The following BPIFA3 variants were observed in gnomAD, a reference collection of about 807,000 sequenced individuals.
BPIFA3 encodes BPI fold containing family A member 3.
A neutral mutation model predicts 29.7 loss-of-function variants in BPIFA3; 32 were observed. That is an observed-to-expected ratio of 1.08 (90% CI 0.81 to 1.45). The LOEUF (loss-of-function observed/expected upper bound fraction) is 1.45. Ranked by LOEUF, BPIFA3 falls within the 40% of genes most tolerant of loss-of-function variation. The pLI is 0.00. For missense variants in BPIFA3, 323 were observed against 311.3 expected (o/e 1.04, Z -0.28); for synonymous variants, 112 against 113.7 (o/e 0.98, Z 0.10).
chr20:33,222,676 A>G (rs561097307), intron 1 of BPIFA3, among the ~76,000 whole-genome samples: 4 of 140,304 alleles, frequency 2.9e-5, no homozygotes, highest in Non-Finnish European at 4.6e-5. Context: ...GGATGAGTGG[A>G]TGGATGGATG....
At position 33,226,449 on chromosome 20, in the gene BPIFA3, G is replaced by A. The variant is rs756469267; in HGVS notation, c.580G>A (p.Glu194Lys). 7.5e-5 allele frequency: 121 copies of A among 1,610,690 alleles called. No homozygotes were observed. The highest frequency in any genetic ancestry group is 4.1e-4 in the Admixed American group (24 of 59,060). The change falls in exon 5 of 7, where the codon GAG (glutamate) becomes AAG (lysine). Residue 194 changes from glutamate to lysine, a missense_variant. By Grantham distance (56) the Glu-to-Lys change is moderately conservative (BLOSUM62 1). Transcript: ENST00000375454. The stretch of plus-strand genomic sequence containing the variant: ...GAATCAGTTTCTCTACAACCTCAAA[G>A]AGAATCTGCAAAAAGTTCTCCCACA... The part of the protein sequence containing the change: ...KMNQFLYNLK[E>K]NLQKVLPHMV...
chr20:33,227,730 C>A lies in BPIFA3; in HGVS notation c.*113C>A. 1 of 850,660 alleles carries A rather than the reference C, an allele frequency of 1.2e-6. No individual in the cohort carries two copies. The allele number at this position is 850,660 out of a possible 1,614,324, so 52.7% of individuals were successfully genotyped here. A position where few individuals can be genotyped will look rare whatever the true frequency, so the allele number is the denominator to read the frequency against. On this transcript the variant is annotated 3_prime_UTR_variant, in exon 7 of 7. Transcript: ENST00000375454. Reference sequence around the variant, plus strand: ...AGGCTCTGTGGACATACCATCCTCTCCTACAATAAACTCTAGCTCTGAAGG... The same window carrying A: ...AGGCTCTGTGGACATACCATCCTCTACTACAATAAACTCTAGCTCTGAAGG...
intron 6 of BPIFA3, among the ~76,000 whole-genome samples, chr20:33,227,309 T>C (rs2146490662): frequency 6.6e-6 from 1 of 152,256 alleles, no homozygotes; most frequent in South Asian, 2.1e-4. Flanking sequence ...TGAGACCATC[T>C]CTACTCCAGT....
At chr20:33,217,689 G>A (rs1473628758) in intron 1 of BPIFA3, 26 bp downstream of exon 1, 1 of 1,605,416 alleles carries the variant, frequency 6.2e-7, no homozygotes, top group Middle Eastern at 1.7e-4. Context: ...GGCTCTGCCT[G>A]CTGCCTACGG....
chr20:33,226,776 C>T, intron 5 of BPIFA3, 154 bp from the exon 6 acceptor site: 2 of 763,990 alleles, frequency 2.6e-6, no homozygotes, highest in South Asian at 1.7e-5. Flanking sequence ...GTGCATGACA[C>T]TGAGCAGGTA....
At chr20:33,224,698 CACA>C (rs568031313) in intron 3 of BPIFA3, among the ~76,000 whole-genome samples, 1 of 152,176 alleles carries the variant, frequency 6.6e-6, no homozygotes, top group Non-Finnish European at 1.5e-5. Flanking sequence ...TATGAGAGTT[CACA>C]ACAACTGGGC....
Position 33,223,892 on chromosome 20 carries a change from C to T in BPIFA3, c.209C>T (p.Ala70Val), listed in dbSNP as rs1568624144. 3.7e-6 allele frequency: 6 copies of T among 1,614,204 alleles called. No homozygotes were observed. Among genetic ancestry groups the T allele is most frequent in the Non-Finnish European group, 5.1e-6 (6 of 1,180,022 alleles). ...TTTGGGGACAGACTGAATGCCTCAG[C>T]ACAAGTGGCCCCAGGGCTGGTGGGC... The part of the protein sequence containing the change: ...IHFGDRLNAS[A>V]QVAPGLVGWL... Residue 70 changes from alanine (A) to valine (V), a missense_variant, in exon 2 of 7, where the codon GCA becomes GTA. Ala to Val is a moderately conservative substitution (Grantham distance 64). Coordinates refer to ENST00000375454, the MANE Select transcript of BPIFA3 (RefSeq NM_178466.5).
intron 1 of BPIFA3, among the ~76,000 whole-genome samples, chr20:33,222,112 TA>T (rs926680120): frequency 6.6e-6 from 1 of 152,154 alleles, no homozygotes; most frequent in African/African-American, 2.4e-5. Flanking sequence ...GCTTACACAA[TA>T]AAAAAAGTTG....
chr20:33,224,769 T>G (rs142866988), intron 3 of BPIFA3, among the ~76,000 whole-genome samples: 1 of 152,144 alleles, frequency 6.6e-6, no homozygotes, highest in Non-Finnish European at 1.5e-5. Context: ...CTGCTCACCA[T>G]CCTCCTGTTC....
chr20:33,223,740 G>C (rs1407224053), intron 1 of BPIFA3, 71 bp from the exon 2 acceptor site: 2 of 1,541,970 alleles, frequency 1.3e-6, no homozygotes, highest in African/African-American at 1.4e-5. Context: ...TGCAACCCAG[G>C]CCTCCGAATC....
chr20:33,226,230 G>A, intron 4 of BPIFA3, 176 bp from the exon 5 acceptor site: 1 of 590,374 alleles, frequency 1.7e-6, no homozygotes, highest in South Asian at 2.1e-5. Flanking sequence ...CTTATTAGCT[G>A]TGTGACCTTG....
intron 1 of BPIFA3, among the ~76,000 whole-genome samples, chr20:33,221,267 G>A (rs932649321): frequency 1.7e-4 from 25 of 150,860 alleles, no homozygotes; most frequent in African/African-American, 5.8e-4. Flanking sequence ...TGATTCTCCT[G>A]CCTCAGCCTC....
chr20:33,224,016 G>A (rs1221044123), intron 2 of BPIFA3, 55 bp downstream of exon 2: 11 of 1,587,718 alleles, frequency 6.9e-6, no homozygotes, highest in Admixed American at 5.1e-5. Flanking sequence ...GCTCTAGATC[G>A]AAGGGTAGAG....
rs1985659470 is a variant in BPIFA3, at chr20:33,224,058, TGAAGAGG to T, written c.278+102_278+108del. 6 of 1,439,768 alleles carry T rather than the reference TGAAGAGG, an allele frequency of 4.2e-6. No individual in the cohort carries two copies. In the South Asian group the frequency reaches 6.5e-5, roughly 16 times the overall value. 89.2% of individuals were successfully genotyped at this position (1,439,768 alleles called of 1,614,324 possible). On this transcript the variant is annotated intron_variant, in intron 2 of 6. Transcript: ENST00000375454. ...GGGGGCTGGGGAGGTGCAAGGCCTGTGAAGAGGGAAGGTAGGAAGATTGAAAGAAGAG... is the reference window on the plus strand; with the variant it reads ...GGGGGCTGGGGAGGTGCAAGGCCTGTGAAGGTAGGAAGATTGAAAGAAGAG...
At chr20:33,226,177 T>C (rs1985769567) in intron 4 of BPIFA3, 4 of 468,736 alleles carry the variant, frequency 8.5e-6, no homozygotes, top group Admixed American at 4.2e-5. Context: ...GGAAAGACTC[T>C]GGAATCTGGT....
Position 33,224,605 on chromosome 20 carries a change from A to G in BPIFA3, c.386+143A>G, listed in dbSNP as rs1450811667. On this transcript the variant is annotated intron_variant, in intron 3 of 6. Coordinates refer to ENST00000375454, the MANE Select transcript of BPIFA3 (RefSeq NM_178466.5). Reference sequence around the variant, plus strand: ...TGTGTGACCTTGGGCAAGTCACTTCACCTCTCTGAGCCTTGGTTTCTTCAC... The same window carrying G: ...TGTGTGACCTTGGGCAAGTCACTTCGCCTCTCTGAGCCTTGGTTTCTTCAC... 18 of 691,470 alleles carry G rather than the reference A, an allele frequency of 2.6e-5. No individual in the cohort carries two copies. The East Asian group carries it at 4.2e-4, about 16-fold the overall frequency. 42.8% of individuals were successfully genotyped at this position (691,470 alleles called of 1,614,324 possible).
At chr20:33,224,488 A>G in intron 3 of BPIFA3, 26 bp downstream of exon 3, 1 of 1,556,260 alleles carries the variant, frequency 6.4e-7, no homozygotes, top group Non-Finnish European at 8.9e-7. Flanking sequence ...GCAGAATCTG[A>G]GAGGTGCTGG....
intron 6 of BPIFA3, 60 bp downstream of exon 6, chr20:33,227,053 ACCC>A (rs887321765): frequency 2.6e-6 from 4 of 1,519,796 alleles, no homozygotes; most frequent in African/African-American, 1.4e-5. Context: ...TGAAAGAGGT[ACCC>A]CCGGCCCTGG....
chr20:33,220,599 A>G (rs192908885), intron 1 of BPIFA3, among the ~76,000 whole-genome samples: 1 of 152,358 alleles, frequency 6.6e-6, no homozygotes, highest in Admixed American at 6.5e-5. Context: ...CAGAGAATTT[A>G]TAGTTTTCAT....
Sources: allele counts gnomAD v4.1 joint callset (sites outside exome capture counted in the v4.1 genomes callset), GRCh38; gene constraint gnomAD v4.1.1; transcripts MANE v1.5; gene names NCBI Gene and HGNC (gene_info 2026-07-23, HGNC 2026-07-21).